FAF1: variants seen among roughly 807,000 people sequenced by gnomAD.
FAF1 encodes Fas associated factor 1.
A neutral mutation model predicts 92.5 loss-of-function variants in FAF1; 25 were observed. The ratio of observed to expected loss-of-function variants is 0.27; its 90% CI spans 0.20 to 0.38. The LOEUF (loss-of-function observed/expected upper bound fraction) is 0.38, where lower values mean the gene tolerates loss of function less well. Among genes scored for constraint, FAF1 ranks in the 10% least tolerant of loss-of-function variants. The pLI, the probability that FAF1 is intolerant of heterozygous loss-of-function variation, is 1.00. For synonymous variants in FAF1, 234 were observed against 273.2 expected (o/e 0.86, Z 1.42); for missense variants, 636 against 793.3 (o/e 0.80, Z 2.38).
At chr1:50,908,571 A>T (rs1233577462) in intron 1 of FAF1, among the ~76,000 whole-genome samples, 1 of 152,314 alleles carries the variant, frequency 6.6e-6, no homozygotes, top group Middle Eastern at 3.4e-3. Context: ...TTGGGTGCAC[A>T]TATATTTAGG....
chr1:50,691,745 C>G (rs1656935989), intron 7 of FAF1, among the ~76,000 whole-genome samples: 1 of 152,218 alleles, frequency 6.6e-6, no homozygotes, highest in Non-Finnish European at 1.5e-5. Context: ...CATGCACCAC[C>G]ACGCCCGGCT....
chr1:50,882,862 T>C (rs1246105857), intron 1 of FAF1, among the ~76,000 whole-genome samples: 48 of 151,814 alleles, frequency 3.2e-4, no homozygotes, highest in Admixed American at 3.2e-3. Context: ...GGCAGGCACC[T>C]GTAATCCCAG....
chr1:50,579,112 G>A (rs1650880609), intron 12 of FAF1, among the ~76,000 whole-genome samples: 1 of 152,006 alleles, frequency 6.6e-6, no homozygotes. Context: ...ACAATCAATT[G>A]TTTCATTAGA....
intron 6 of FAF1, among the ~76,000 whole-genome samples, chr1:50,736,268 A>C (rs1363672836): frequency 6.6e-6 from 1 of 152,238 alleles, no homozygotes; most frequent in Non-Finnish European, 1.5e-5. Flanking sequence ...TTAGATTATA[A>C]ATTAGGTTAC....
intron 18 of FAF1, among the ~76,000 whole-genome samples, chr1:50,465,659 G>A (rs1206040304): frequency 2.6e-5 from 4 of 152,148 alleles, no homozygotes; most frequent in Non-Finnish European, 5.9e-5. Flanking sequence ...CAGGATAAGA[G>A]GAATAGGGGT....
At chr1:50,920,930 TAAAGTAAGAA>T (rs1262388313) in intron 1 of FAF1, among the ~76,000 whole-genome samples, 2 of 151,788 alleles carry the variant, frequency 1.3e-5, no homozygotes, top group Non-Finnish European at 2.9e-5. Context: ...TCACAGGCAA[TAAAGTAAGAA>T]AAAGAAAGAA....
At chr1:50,770,976 G>C (rs1196818117) in intron 4 of FAF1, among the ~76,000 whole-genome samples, 1 of 152,102 alleles carries the variant, frequency 6.6e-6, no homozygotes, top group Non-Finnish European at 1.5e-5. Context: ...TCTGATCTTC[G>C]ACAAAGTTGA....
At chr1:50,566,068 C>T (rs1650162966) in intron 13 of FAF1, among the ~76,000 whole-genome samples, 1 of 151,934 alleles carries the variant, frequency 6.6e-6, no homozygotes, top group African/African-American at 2.4e-5. Context: ...CAAGGCAAAA[C>T]GAAGTCATCT....
chr1:50,713,698 A>C (rs1288669716), intron 6 of FAF1, among the ~76,000 whole-genome samples: 1 of 151,902 alleles, frequency 6.6e-6, no homozygotes, highest in African/African-American at 2.4e-5. Context: ...CCTGGCTTCA[A>C]GTGATCCTCC....
chr1:50,722,952 T>C (rs1298730837), intron 6 of FAF1, among the ~76,000 whole-genome samples: 2 of 152,222 alleles, frequency 1.3e-5, no homozygotes, highest in East Asian at 1.9e-4. Context: ...GCTGGTATCC[T>C]AGAGCTTTCC....
At chr1:50,687,700 G>A (rs1449549303) in intron 7 of FAF1, among the ~76,000 whole-genome samples, 1 of 149,884 alleles carries the variant, frequency 6.7e-6, no homozygotes, top group East Asian at 2.0e-4. Context: ...AGTGAGCCAA[G>A]ATCGCACTCC....
At chr1:50,679,334 A>G (rs1656320787) in intron 7 of FAF1, among the ~76,000 whole-genome samples, 1 of 149,542 alleles carries the variant, frequency 6.7e-6, no homozygotes, top group African/African-American at 2.5e-5. Flanking sequence ...AAAAAAAAAG[A>G]ATAGCATTTC....
chr1:50,759,302 C>G (rs1293861005), intron 4 of FAF1, among the ~76,000 whole-genome samples: 1 of 110,568 alleles, frequency 9.0e-6, no homozygotes, highest in East Asian at 3.4e-4. Context: ...CCTCCCCCCT[C>G]CCCCCCACCC....
chr1:50,562,854 T>C (rs1649992779), intron 13 of FAF1, among the ~76,000 whole-genome samples: 1 of 152,166 alleles, frequency 6.6e-6, no homozygotes, highest in Non-Finnish European at 1.5e-5. Context: ...CATCTGTGGG[T>C]TCTGCATCTG....
chr1:50,717,222 A>G lies in FAF1; in HGVS notation c.552-11331T>C, dbSNP rs757998221. On this transcript the variant is annotated intron_variant, in intron 6 of 18. Transcript: ENST00000396153. ...AATGTTTGTATACTTTCCAAAATTC[A>G]TACATTGAAGCCCTAACCCCCAATG... Among the ~76,000 whole-genome samples the G allele has an allele frequency of 9.8e-5, 15 of 152,352 alleles. 1 individual carries two copies. In the Middle Eastern group the frequency reaches 0.01, roughly 104 times the overall value.
At chr1:50,672,260 C>G (rs1057039299) in intron 7 of FAF1, among the ~76,000 whole-genome samples, 1 of 152,138 alleles carries the variant, frequency 6.6e-6, no homozygotes, top group Non-Finnish European at 1.5e-5. Context: ...CCAGGCTGGT[C>G]TTGAACTCCT....
chr1:50,689,343 C>A (rs1486492470), intron 7 of FAF1, among the ~76,000 whole-genome samples: 1 of 152,082 alleles, frequency 6.6e-6, no homozygotes, highest in Non-Finnish European at 1.5e-5. Flanking sequence ...CCAGCACTTT[C>A]AGAGGCCGAG....
At chr1:50,883,976 T>A (rs1284206181) in intron 1 of FAF1, among the ~76,000 whole-genome samples, 4 of 151,268 alleles carry the variant, frequency 2.6e-5, no homozygotes, top group African/African-American at 7.3e-5. Context: ...AATACAAAAA[T>A]TAGCCAGGCA....
chr1:50,783,526 G>T (rs1345994959), intron 4 of FAF1, among the ~76,000 whole-genome samples: 3 of 152,094 alleles, frequency 2.0e-5, no homozygotes, highest in Admixed American at 6.5e-5. Flanking sequence ...ACATTAAAAG[G>T]ATTACACACC....
Sources: allele counts gnomAD v4.1 joint callset (sites outside exome capture counted in the v4.1 genomes callset), GRCh38; gene constraint gnomAD v4.1.1; transcripts MANE v1.5; gene names NCBI Gene and HGNC (gene_info 2026-07-23, HGNC 2026-07-21).